BIN1: variants seen among roughly 807,000 people sequenced by gnomAD.
BIN1 encodes the protein bridging integrator 1, also known as myc box-dependent-interacting protein 1.
Under a neutral mutation model 82.0 loss-of-function variants are expected in BIN1, and 53 were observed. That is an observed-to-expected ratio of 0.65 (90% CI 0.52 to 0.81). The LOEUF is 0.81. Ranked by LOEUF, BIN1 falls within the 40% of genes least tolerant of loss-of-function variation. BIN1 has a pLI of 0.00. For missense variants in BIN1, 642 were observed against 784.4 expected, an observed-to-expected ratio of 0.82 and a Z score of 2.17; for synonymous variants, 302 against 328.0, an observed-to-expected ratio of 0.92 and a Z score of 0.86.
At chr2:127,102,096 T>C (rs958067112) in intron 1 of BIN1, among the ~76,000 whole-genome samples, 3 of 152,138 alleles carry the variant, frequency 2.0e-5, no homozygotes, top group Non-Finnish European at 4.4e-5. Flanking sequence ...CCCTATTTGA[T>C]ACATGAAGAA....
chr2:127,079,728 C>T (rs1282318663), intron 1 of BIN1, among the ~76,000 whole-genome samples: 1 of 152,232 alleles, frequency 6.6e-6, no homozygotes, highest in South Asian at 2.1e-4. Flanking sequence ...TCTCTGTGTC[C>T]CCAACACCCA....
chr2:127,077,012 T>G (rs1313661005), intron 1 of BIN1, among the ~76,000 whole-genome samples: 8 of 152,082 alleles, frequency 5.3e-5, no homozygotes. Context: ...TCGGGCACCC[T>G]CCTAGCTGAT....
chr2:127,087,551 G>A (rs1038613853), intron 1 of BIN1, among the ~76,000 whole-genome samples: 1 of 152,246 alleles, frequency 6.6e-6, no homozygotes, highest in Non-Finnish European at 1.5e-5. Context: ...GAGGCAGCAG[G>A]GGCCAGAGTC....
chr2:127,086,761 C>T (rs750406055), intron 1 of BIN1, among the ~76,000 whole-genome samples: 3 of 151,930 alleles, frequency 2.0e-5, no homozygotes, highest in Non-Finnish European at 2.9e-5. Flanking sequence ...CCGCCTCGAC[C>T]TCCCAAAGTG....
At chr2:127,083,323 T>C (rs1687544720) in intron 1 of BIN1, among the ~76,000 whole-genome samples, 1 of 152,076 alleles carries the variant, frequency 6.6e-6, no homozygotes, top group Non-Finnish European at 1.5e-5. Context: ...CAAGTGATCC[T>C]CCCACCTCAG....
chr2:127,099,647 GGGATTACAGGCGCAT>G (rs1415704766), intron 1 of BIN1, among the ~76,000 whole-genome samples: 35 of 152,246 alleles, frequency 2.3e-4, no homozygotes, highest in Admixed American at 2.2e-3. Flanking sequence ...CCAAGTAGCT[GGGATTACAGGCGCAT>G]GCCACTACAC....
chr2:127,105,467 CCCTCCTCCTCCTCCTCCTCCT>C (rs70985434), intron 1 of BIN1, among the ~76,000 whole-genome samples: 1 of 55,770 alleles, frequency 1.8e-5, no homozygotes, highest in East Asian at 4.2e-4. Context: ...GGGCTTTAAT[CCCTCCTCCTCCTCCTCCTCCT>C]CCTCCTCCTC....
At chr2:127,061,402 A>T (rs186565220) in intron 10 of BIN1, among the ~76,000 whole-genome samples, 1 of 152,224 alleles carries the variant, frequency 6.6e-6, no homozygotes, top group South Asian at 2.1e-4. Flanking sequence ...TACAGAGTCC[A>T]TCGGTGTTCT....
At chr2:127,048,668 G>C (rs1431910873) in intron 18 of BIN1, 35 bp from the exon 19 acceptor site, 3 of 1,597,276 alleles carry the variant, frequency 1.9e-6, no homozygotes, top group Non-Finnish European at 2.6e-6. Flanking sequence ...ACAGGGATGA[G>C]CAAGGGGCTC....
At chr2:127,087,842 G>C (rs1350946729) in intron 1 of BIN1, among the ~76,000 whole-genome samples, 3 of 152,098 alleles carry the variant, frequency 2.0e-5, no homozygotes, top group Non-Finnish European at 4.4e-5. Flanking sequence ...GGACCCCCTG[G>C]ATCATGACTG....
intron 2 of BIN1, among the ~76,000 whole-genome samples, chr2:127,071,101 C>G (rs949306277): frequency 1.3e-5 from 2 of 152,178 alleles, no homozygotes; most frequent in African/African-American, 4.8e-5. Flanking sequence ...TCCGAGATGA[C>G]GTGCTGGAGG....
chr2:127,051,096 C>G, intron 16 of BIN1, 58 bp downstream of exon 16: 2 of 1,603,434 alleles, frequency 1.2e-6, no homozygotes, highest in South Asian at 1.1e-5. Context: ...AGGGGAGCCC[C>G]GGACAGGCAG....
intron 1 of BIN1, among the ~76,000 whole-genome samples, chr2:127,091,355 C>T (rs1251696349): frequency 6.6e-6 from 1 of 152,236 alleles, no homozygotes; most frequent in Admixed American, 6.5e-5. Context: ...ATGCCCTGCC[C>T]CTCCACACAA....
At chr2:127,063,876 C>G in intron 8 of BIN1, 57 bp downstream of exon 8, 9 of 1,604,496 alleles carry the variant, frequency 5.6e-6, no homozygotes, top group Non-Finnish European at 6.8e-6. Context: ...GACTGGGCAC[C>G]GCAGCACGCA....
At position 127,067,980 on chromosome 2, in the gene BIN1, G is replaced by A. The variant is rs929369886; in HGVS notation, c.612+183C>T. ...CCAGGTCACACAGAGCCCCTCAGCC[G>A]GTTCTTTGACCCCTACATTTGACTT... On this transcript the variant is annotated intron_variant, in intron 7 of 18. Transcript: ENST00000316724. This position sits in a 1 kb window ranked among gnomAD's most constrained non-coding sequence, Gnocchi z 4.7. Among the ~76,000 whole-genome samples, 5 of 152,082 alleles carry A rather than the reference G, an allele frequency of 3.3e-5. No individual in the cohort carries two copies. The highest frequency in any genetic ancestry group is 2.1e-4 in the South Asian group (1 of 4,820).
chr2:127,074,360 C>T (rs1208581788), intron 2 of BIN1, among the ~76,000 whole-genome samples: 1 of 152,144 alleles, frequency 6.6e-6, no homozygotes, highest in Admixed American at 6.5e-5. Flanking sequence ...ACCTTAAAAC[C>T]ACCACCCCAA....
intron 1 of BIN1, among the ~76,000 whole-genome samples, chr2:127,081,335 A>G (rs1687268401): frequency 6.6e-6 from 1 of 152,236 alleles, no homozygotes; most frequent in South Asian, 2.1e-4. Context: ...CAAACAAATC[A>G]GGACACAGCC....
chr2:127,065,763 C>T (rs553207515), intron 7 of BIN1, among the ~76,000 whole-genome samples: 12 of 152,232 alleles, frequency 7.9e-5, no homozygotes, highest in Admixed American at 3.3e-4. Flanking sequence ...GTGCTCTCAC[C>T]GCTCAGCAAC....
Position 127,067,691 on chromosome 2 carries a change from G to A in BIN1, c.612+472C>T, listed in dbSNP as rs557255218. Among the ~76,000 whole-genome samples the A allele has an allele frequency of 2.2e-4, 34 of 152,314 alleles. No individual in the cohort carries two copies. In the South Asian group the frequency reaches 4.8e-3, roughly 21 times the overall value. On this transcript the variant is annotated intron_variant, in intron 7 of 18. Transcript: ENST00000316724. The surrounding 1 kb of genome is among the most constrained non-coding windows in gnomAD (Gnocchi z 4.7). Reference sequence around the variant, plus strand: ...GAGAGCCCCAACCCTGCCCCTAACCGGCTCTGGGGCCCTGGGAGGAGGCTG... The same window carrying A: ...GAGAGCCCCAACCCTGCCCCTAACCAGCTCTGGGGCCCTGGGAGGAGGCTG...
Sources: gnomAD v4.1 joint callset for allele counts (sites outside exome capture counted in the v4.1 genomes callset) on GRCh38, gnomAD v4.1.1 for gene constraint, Gnocchi (gnomAD v3.1) non-coding constraint, MANE v1.5 for transcripts, NCBI Gene and HGNC (gene_info 2026-07-23, HGNC 2026-07-21) for gene names.